CABIN1: variants seen among roughly 807,000 people sequenced by gnomAD.
The protein encoded by CABIN1 is calcineurin-binding protein cabin-1.
Under a neutral mutation model 227.7 loss-of-function variants are expected in CABIN1, and 133 were observed. That is an observed-to-expected ratio of 0.58 (90% CI 0.51 to 0.67). The LOEUF (loss-of-function observed/expected upper bound fraction) is 0.67, where lower values mean the gene tolerates loss of function less well. CABIN1 is among the 30% of genes least tolerant of loss of function. The pLI is 0.00. For synonymous variants in CABIN1, 1,086 were observed against 1,155.1 expected, an observed-to-expected ratio of 0.94 and a Z score of 1.21; for missense variants, 2,408 against 2,852.5, an observed-to-expected ratio of 0.84 and a Z score of 3.55.
chr22:24,127,898 C>T (rs1325850637), intron 28 of CABIN1, among the ~76,000 whole-genome samples: 1 of 152,014 alleles, frequency 6.6e-6, no homozygotes, highest in African/African-American at 2.4e-5. Context: ...ACAGAGTTCC[C>T]TCCTGAGGCA....
At chr22:24,109,716 G>A (rs1396625181) in intron 26 of CABIN1, among the ~76,000 whole-genome samples, 6 of 152,168 alleles carry the variant, frequency 3.9e-5, no homozygotes, top group Non-Finnish European at 7.3e-5. Context: ...ACCTCTGTGA[G>A]ATGATATGTG....
intron 19 of CABIN1, 89 bp from the exon 20 acceptor site, chr22:24,083,139 T>TA (rs566816132): frequency 7.5e-7 from 1 of 1,338,852 alleles, no homozygotes; most frequent in South Asian, 1.2e-5. Context: ...AAAGAGTTGA[T>TA]AGAGTGGTGG....
chr22:24,176,363 G>A, intron 35 of CABIN1, 88 bp downstream of exon 35: 1 of 1,412,850 alleles, frequency 7.1e-7, no homozygotes, highest in Non-Finnish European at 9.7e-7. Context: ...GCCTGGCCTT[G>A]AAGGGCAGGG....
intron 28 of CABIN1, among the ~76,000 whole-genome samples, chr22:24,130,348 A>C (rs1475664055): frequency 2.6e-5 from 4 of 152,192 alleles, no homozygotes; most frequent in African/African-American, 9.7e-5. Context: ...GTCAGGGGGC[A>C]GGGGAAGAGC....
intron 6 of CABIN1, among the ~76,000 whole-genome samples, chr22:24,045,621 A>T (rs954000141): frequency 2.0e-5 from 3 of 151,398 alleles, no homozygotes; most frequent in Admixed American, 6.6e-5. Flanking sequence ...AAAAAAAAAA[A>T]TTTGTTTCCA....
At chr22:24,098,741 A>G (rs980045610) in intron 26 of CABIN1, among the ~76,000 whole-genome samples, 3 of 152,154 alleles carry the variant, frequency 2.0e-5, no homozygotes, top group South Asian at 2.1e-4. Context: ...CGACTGTTCA[A>G]CCACATTCCT....
chr22:24,166,999 C>G lies in CABIN1; in HGVS notation c.5368C>G (p.Pro1790Ala). Residue 1790 changes from proline to alanine, a missense_variant, in exon 32 of 37, where the codon CCC (proline) becomes GCC (alanine). Pro to Ala is a conservative substitution (Grantham distance 27, BLOSUM62 -1). Coordinates refer to ENST00000263119, the MANE Select transcript of CABIN1 (RefSeq NM_012295.4). ...LPGRPARDRG[P>A]ESRPTELSLE... ...AGGTCGCCCCGCAAGGGACCGGGGC[C>G]CCGAGAGCCGGCCCACTGAGCTGTC... 1.9e-6 allele frequency: 3 copies of G among 1,565,648 alleles called. No individual in the cohort carries two copies. Among genetic ancestry groups the G allele is most frequent in the Non-Finnish European group, 2.6e-6 (3 of 1,156,006 alleles).
At chr22:24,096,183 A>G in intron 25 of CABIN1, 101 bp downstream of exon 25, 1 of 1,357,184 alleles carries the variant, frequency 7.4e-7, no homozygotes, top group Admixed American at 1.7e-5. Flanking sequence ...CTACACAGTA[A>G]ACAGTAAACT....
At chr22:24,098,272 G>A (rs754978603) in intron 26 of CABIN1, 80 bp downstream of exon 26, 36 of 1,576,412 alleles carry the variant, frequency 2.3e-5, no homozygotes, top group East Asian at 1.4e-4. Flanking sequence ...TCATTTTGTC[G>A]CTTCGTTTTG....
Position 24,085,040 on chromosome 22 carries a change from C to G in CABIN1, c.3152C>G (p.Pro1051Arg). 8 of 1,614,234 alleles carry G rather than the reference C, an allele frequency of 5.0e-6. No individual in the cohort carries two copies. Among genetic ancestry groups the G allele is most frequent in the Non-Finnish European group, 6.8e-6 (8 of 1,180,040 alleles). ...CTCCCAGAGGGGGCTGACCCCTCCCCTCCAGTGGTGAACGAGCTTTACTAC... is the reference window on the plus strand; with the variant it reads ...CTCCCAGAGGGGGCTGACCCCTCCCGTCCAGTGGTGAACGAGCTTTACTAC... Reference protein sequence around the residue: ...PCLPEGADPSPPVVNELYYLL... With the variant: ...PCLPEGADPSRPVVNELYYLL... The change falls in exon 22 of 37, where the codon CCT (proline) becomes CGT (arginine). Residue 1051 changes from proline to arginine, a missense_variant. Around this residue, in one of 3 missense-constraint regions of CABIN1, gnomAD observed 649 missense variants for 910.3 expected, o/e 0.71. Coordinates refer to ENST00000263119, the MANE Select transcript of CABIN1 (RefSeq NM_012295.4).
At chr22:24,163,572 A>G in intron 29 of CABIN1, among the ~76,000 whole-genome samples, 1 of 152,150 alleles carries the variant, frequency 6.6e-6, no homozygotes, top group East Asian at 1.9e-4. Context: ...GCAGGGACCC[A>G]TCTAGGAGCC....
chr22:24,158,018 C>T (rs1008163505), intron 29 of CABIN1, among the ~76,000 whole-genome samples: 4 of 152,208 alleles, frequency 2.6e-5, no homozygotes, highest in African/African-American at 9.6e-5. Context: ...CCAACAGGCT[C>T]CCCGCCCTCG....
chr22:24,059,837 C>A, intron 11 of CABIN1, 87 bp from the exon 12 acceptor site: 1 of 1,139,530 alleles, frequency 8.8e-7, no homozygotes, highest in Non-Finnish European at 1.3e-6. Context: ...AGGGAGGGAA[C>A]AGTCTTTACT....
intron 22 of CABIN1, among the ~76,000 whole-genome samples, chr22:24,085,482 G>T (rs2041092447): frequency 6.6e-6 from 1 of 152,204 alleles, no homozygotes; most frequent in Non-Finnish European, 1.5e-5. Context: ...GTTTTGTGCT[G>T]CCCCCTTTCA....
intron 8 of CABIN1, among the ~76,000 whole-genome samples, chr22:24,051,936 C>T (rs17004824): frequency 0.068 from 10,320 of 152,074 alleles, 368 homozygotes; most frequent in East Asian, 0.16. Flanking sequence ...TTTCCATACC[C>T]GAGCACCGAG....
chr22:24,081,305 T>C (rs1430326031), intron 19 of CABIN1, among the ~76,000 whole-genome samples: 1 of 152,100 alleles, frequency 6.6e-6, no homozygotes, highest in African/African-American at 2.4e-5. Flanking sequence ...TTTTGGGGAG[T>C]GTTATAATAA....
chr22:24,062,134 T>A, intron 13 of CABIN1, 109 bp downstream of exon 13: 2 of 889,380 alleles, frequency 2.2e-6, no homozygotes, highest in Non-Finnish European at 1.8e-6. Flanking sequence ...ATATCTACAG[T>A]AGGCACATTT....
intron 1 of CABIN1, among the ~76,000 whole-genome samples, chr22:24,024,424 C>A (rs2035939571): frequency 6.6e-6 from 1 of 152,152 alleles, no homozygotes; most frequent in African/African-American, 2.4e-5. Context: ...AGAATTGCTT[C>A]TCTCTTGCTG....
chr22:24,074,609 AAC>A (rs2040314039), intron 18 of CABIN1, among the ~76,000 whole-genome samples: 1 of 152,158 alleles, frequency 6.6e-6, no homozygotes, highest in Admixed American at 6.5e-5. Context: ...CCTGGGATAA[AAC>A]ACACTATGGT....
Sources: gnomAD v4.1 joint callset for allele counts (sites outside exome capture counted in the v4.1 genomes callset) on GRCh38, gnomAD v4.1.1 for gene constraint, gnomAD v4.1.1 regional missense constraint, MANE v1.5 for transcripts, NCBI Gene and HGNC (gene_info 2026-07-23, HGNC 2026-07-21) for gene names.